The following COL9A3 variants were observed in gnomAD, a reference collection of about 807,000 sequenced individuals.
The protein encoded by COL9A3 is collagen alpha-3(IX) chain.
In COL9A3, 82 loss-of-function variants were observed where a neutral mutation model predicts 110.2. That is an observed-to-expected ratio of 0.74 (90% CI 0.62 to 0.89). COL9A3 has a LOEUF of 0.89. COL9A3 is among the 40% of genes least tolerant of loss of function. The pLI is 0.00. For missense variants in COL9A3, 1,066 were observed against 981.3 expected, an observed-to-expected ratio of 1.09 and a Z score of -1.15; for synonymous variants, 494 against 403.8, an observed-to-expected ratio of 1.22 and a Z score of -2.68.
At chr20:62,838,195 C>CAT (rs1305656313) in intron 30 of COL9A3, among the ~76,000 whole-genome samples, 10 of 152,240 alleles carry the variant, frequency 6.6e-5, no homozygotes, top group African/African-American at 2.4e-4. Flanking sequence ...CAGCAGCAGG[C>CAT]ATAGGTTCTG....
Position 62,836,275 on chromosome 20 carries a change from C to T in COL9A3, c.1490C>T (p.Pro497Leu), listed in dbSNP as rs777038224. 1.2e-6 allele frequency: 2 copies of T among 1,613,934 alleles called. No individual in the cohort carries two copies. Among genetic ancestry groups the T allele is most frequent in the South Asian group, 2.2e-5 (2 of 91,088 alleles). ...GVQGVPGPPG[P>L]LGLQGVPGVP... ...CAGGGTGTCCCCGGGCCCCCCGGTCCTCTGGGCCTGCAGGGCGTCCCGGGT... is the reference window on the plus strand; with the variant it reads ...CAGGGTGTCCCCGGGCCCCCCGGTCTTCTGGGCCTGCAGGGCGTCCCGGGT... Residue 497 changes from proline to leucine, a missense_variant, in exon 28 of 32, where the codon CCT (proline) becomes CTT (leucine). Pro to Leu is a moderately conservative substitution (Grantham distance 98, BLOSUM62 -3). Coordinates refer to ENST00000649368, the MANE Select transcript of COL9A3 (RefSeq NM_001853.4).
chr20:62,824,331 G>A (rs1193825752), intron 10 of COL9A3, 114 bp from the exon 11 acceptor site: 5 of 1,128,118 alleles, frequency 4.4e-6, no homozygotes, highest in African/African-American at 3.1e-5. Context: ...GTGGCCTCCC[G>A]GGGTCCCGTC....
chr20:62,820,039 C>T (rs1991068333), intron 5 of COL9A3, 57 bp downstream of exon 5: 4 of 1,580,146 alleles, frequency 2.5e-6, no homozygotes, highest in Admixed American at 1.7e-5. Flanking sequence ...CCCCTGGCCA[C>T]CTCTGGCTGC....
intron 22 of COL9A3, 37 bp from the exon 23 acceptor site, chr20:62,830,323 C>G (rs1387975831): frequency 6.4e-7 from 1 of 1,556,240 alleles, no homozygotes; most frequent in Admixed American, 1.9e-5. Context: ...TCCTCGAACC[C>G]TGAGACATCC....
rs2063515204 is a variant in COL9A3 at position 62,821,804 on chromosome 20, C to T, written c.417C>T (p.Gly139=). The change falls in exon 8 of 32, where the codon GGC becomes GGT. Residue 139 remains glycine (G), a synonymous_variant. Transcript: ENST00000649368. ...CCCCAGGTGGGATCGGCCTCCGCGG[C>T]CCCCCGGTGAGTGGCTGTCCCAGAG... ...SGPPGGIGLR[G]PPGPSGLPGL... is the part of the protein sequence containing the mutation. 2.5e-6 allele frequency: 4 copies of T among 1,599,590 alleles called. No homozygotes were observed. The highest frequency in any genetic ancestry group is 3.4e-6 in the Non-Finnish European group (4 of 1,169,780).
intron 1 of COL9A3, 144 bp from the exon 2 acceptor site, chr20:62,817,423 C>T (rs961943320): frequency 4.8e-6 from 3 of 620,868 alleles, no homozygotes; most frequent in African/African-American, 4.0e-5. Flanking sequence ...GCGGGGGCGC[C>T]GGGCTCCGCC....
At chr20:62,832,766 C>G (rs1344951491) in intron 25 of COL9A3, 2 of 415,948 alleles carry the variant, frequency 4.8e-6, no homozygotes, top group African/African-American at 2.1e-5. Flanking sequence ...CGAACCCCCA[C>G]CGCAGGTTCT....
intron 17 of COL9A3, among the ~76,000 whole-genome samples, chr20:62,828,427 G>A (rs1460943732): frequency 6.6e-6 from 1 of 152,252 alleles, no homozygotes; most frequent in Non-Finnish European, 1.5e-5. Context: ...CAGGGTGGAC[G>A]AGGCAGGCCT....
chr20:62,836,090 G>T (rs1245686146), intron 27 of COL9A3, 97 bp from the exon 28 acceptor site: 6 of 1,603,498 alleles, frequency 3.7e-6, no homozygotes, highest in Non-Finnish European at 5.1e-6. Context: ...GGTCAAGGCT[G>T]GGCAAGACGG....
intron 12 of COL9A3, 61 bp downstream of exon 12, chr20:62,825,082 A>AGGGAGAGGCTGGGCTCCGGCGGGG (rs2063540259): frequency 1.5e-6 from 1 of 678,206 alleles, no homozygotes; most frequent in Admixed American, 3.1e-5. Context: ...CTCCGGCGGG[A>AGGGAGAGGCTGGGCTCCGGCGGGG]GGGAGGGGCT....
chr20:62,817,871 T>G (rs1400018528), intron 2 of COL9A3: 1 of 652,164 alleles, frequency 1.5e-6, no homozygotes, highest in South Asian at 1.6e-5. Flanking sequence ...GGCACTGAGG[T>G]GTGTGTCTCT....
Position 62,835,841 on chromosome 20 carries a change from ATTTAT to A in COL9A3, c.1369-74_1369-70del, listed in dbSNP as rs149369332. The A allele has an allele frequency of 6.4e-4, 937 of 1,456,148 alleles. 5 individuals are homozygous for A. In the African/African-American group the frequency reaches 0.012, roughly 18 times the overall value. 90.2% of individuals were successfully genotyped at this position (1,456,148 alleles called of 1,614,324 possible). On this transcript the variant is annotated intron_variant, in intron 26 of 31. Transcript: ENST00000649368. ...TAATAGCAGGTGTGTGGATGATTTGATTTATTTTATCCTCAACTGGCTACTTCCCA... is the reference window on the plus strand; with the variant it reads ...TAATAGCAGGTGTGTGGATGATTTGATTTATCCTCAACTGGCTACTTCCCA...
intron 7 of COL9A3, 57 bp from the exon 8 acceptor site, chr20:62,821,700 G>A (rs1568749968): frequency 6.4e-7 from 1 of 1,558,222 alleles, no homozygotes; most frequent in Non-Finnish European, 8.8e-7. Context: ...AACCCTGGGT[G>A]GGGATCCTCG....
chr20:62,836,551 C>A lies in COL9A3; in HGVS notation c.1603+19C>A. 1 of 1,596,604 alleles carries A rather than the reference C, an allele frequency of 6.3e-7. No individual in the cohort carries two copies. Among genetic ancestry groups the A allele is most frequent in the Non-Finnish European group, 8.5e-7 (1 of 1,171,254 alleles). On this transcript the variant is annotated intron_variant, in intron 29 of 31. Transcript: ENST00000649368. ...ATCAGCGGTAAGTCAGCCACGTGCA[C>A]CGGCTGCAGCGGGGCCCATCCCCGC...
rs2063535943 is a variant in COL9A3, at chr20:62,824,587, G to A, written c.576+86G>A. 16 of 1,399,992 alleles carry A rather than the reference G, an allele frequency of 1.1e-5. No individual in the cohort carries two copies. The East Asian group carries it at 1.5e-4, about 13-fold the overall frequency. The allele number at this position is 1,399,992 out of a possible 1,614,324, so 86.7% of individuals were successfully genotyped here. On this transcript the variant is annotated intron_variant, in intron 11 of 31. Transcript: ENST00000649368. The stretch of plus-strand genomic sequence containing the variant: ...TCCCATGGGGCTGTGGAGGTGGCGG[G>A]TCCAGAAAGCTGGACCCTGGTTCCA...
intron 25 of COL9A3, 66 bp from the exon 26 acceptor site, chr20:62,832,954 T>A: frequency 6.9e-7 from 1 of 1,441,050 alleles, no homozygotes. Flanking sequence ...GAGCAGGGAC[T>A]TTAAGGCATG....
Position 62,828,023 on chromosome 20 carries a change from G to A in COL9A3, c.900+47G>A, listed in dbSNP as rs769418845. ...TGGAATGCTCCTCCCCCGGGTCCTG[G>A]GTATGTACAGGTGGAGATGGCATTC... On this transcript the variant is annotated intron_variant, in intron 17 of 31. Transcript: ENST00000649368. 81 of 1,594,604 alleles carry A rather than the reference G, an allele frequency of 5.1e-5. No individual in the cohort carries two copies. The East Asian group carries it at 1.8e-3, about 36-fold the overall frequency.
At position 62,835,921 on chromosome 20, in the gene COL9A3, G is replaced by C; in HGVS notation, c.1369G>C (p.Gly457Arg). 6.2e-7 allele frequency: 1 copy of C among 1,614,182 alleles called. No individual in the cohort carries two copies. The highest frequency in any genetic ancestry group is 8.5e-7 in the Non-Finnish European group (1 of 1,180,042). ...AAACACACAACTTTTCTCTTCACAG[G>C]GTCCCAGCGGCCTGGTCGGACCCAA... ...DGLPGDKGEL[G>R]PSGLVGPKGE... The change falls in exon 27 of 32, where the codon GGT becomes CGT. Residue 457 changes from glycine (G) to arginine (R), a missense_variant and splice_region_variant. Transcript: ENST00000649368.
At chr20:62,838,133 C>T (rs2063650383) in intron 30 of COL9A3, among the ~76,000 whole-genome samples, 1 of 152,102 alleles carries the variant, frequency 6.6e-6, no homozygotes, top group African/African-American at 2.4e-5. Context: ...AACTAAAATC[C>T]CATTTAAATT....
Sources: allele counts gnomAD v4.1 joint callset (sites outside exome capture counted in the v4.1 genomes callset), GRCh38; gene constraint gnomAD v4.1.1; transcripts MANE v1.5; gene names NCBI Gene and HGNC (gene_info 2026-07-23, HGNC 2026-07-21).